The following NAV2 variants were observed in gnomAD, a reference collection of about 807,000 sequenced individuals.
NAV2 encodes helicase, APC down-regulated 1.
In NAV2, 54 loss-of-function variants were observed where a neutral mutation model predicts 223.2. That is an observed-to-expected ratio of 0.24 (90% CI 0.19 to 0.30). The LOEUF (loss-of-function observed/expected upper bound fraction) is 0.30, where lower values mean the gene tolerates loss of function less well. Ranked by LOEUF, NAV2 falls within the 10% of genes least tolerant of loss-of-function variation. The pLI is 1.00. For synonymous variants in NAV2, 1,279 were observed against 1,239.3 expected (o/e 1.03, Z -0.67); for missense variants, 2,806 against 3,147.5 (o/e 0.89, Z 2.60).
intron 1 of NAV2, among the ~76,000 whole-genome samples, chr11:19,745,073 T>C (rs1466164682): frequency 1.3e-5 from 2 of 152,236 alleles, no homozygotes; most frequent in African/African-American, 4.8e-5. Context: ...AGGGTTGTAC[T>C]GTCACCAGCA....
intron 1 of NAV2, among the ~76,000 whole-genome samples, chr11:19,448,970 C>A (rs1367779001): frequency 6.6e-6 from 1 of 152,100 alleles, no homozygotes; most frequent in East Asian, 1.9e-4. Context: ...ATAAACCACC[C>A]AGTATTCTAC....
chr11:19,525,449 C>A (rs777396087), intron 1 of NAV2, among the ~76,000 whole-genome samples: 3 of 152,178 alleles, frequency 2.0e-5, no homozygotes, highest in Non-Finnish European at 4.4e-5. Context: ...AGAGGGGGTG[C>A]AGGCAGAGGA....
At chr11:20,106,183 G>GTGTGTGTGTGTGTGTGTATA (rs1394737236) in intron 35 of NAV2, among the ~76,000 whole-genome samples, 9 of 25,526 alleles carry the variant, frequency 3.5e-4, no homozygotes, top group Non-Finnish European at 5.7e-4. Context: ...ATATGTGTGT[G>GTGTGTGTGTGTGTGTGTATA]TATATATATA....
In NAV2 at chr11:19,549,887, C is replaced by T. The variant is rs564859161; in HGVS notation, c.75+198860C>T. 3.3e-5 allele frequency among the ~76,000 whole-genome samples: 5 copies of T among 152,366 alleles called. No homozygotes were observed. In the East Asian group the frequency reaches 9.6e-4, roughly 29 times the overall value. On this transcript the variant is annotated intron_variant, in intron 1 of 37. Coordinates refer to the NAV2 transcript ENST00000360655. Reference sequence around the variant, plus strand: ...ATCTGCTTTTTCCTGATAGCCACTTCCCATGCCCTGCCCTCGGCTCTGGAG... The same window carrying T: ...ATCTGCTTTTTCCTGATAGCCACTTTCCATGCCCTGCCCTCGGCTCTGGAG...
At chr11:19,788,899 C>T (rs2057330111) in intron 1 of NAV2, among the ~76,000 whole-genome samples, 1 of 152,108 alleles carries the variant, frequency 6.6e-6, no homozygotes, top group Admixed American at 6.6e-5. Flanking sequence ...CATGTAGGTA[C>T]CCCCTGCAAA....
intron 1 of NAV2, among the ~76,000 whole-genome samples, chr11:19,682,865 A>C (rs78067730): frequency 0.02 from 3,014 of 152,308 alleles, 98 homozygotes; most frequent in African/African-American, 0.069. Flanking sequence ...TCATTCCAAT[A>C]TGAGATTTGG....
intron 1 of NAV2, among the ~76,000 whole-genome samples, chr11:19,624,033 C>G (rs1343653418): frequency 6.6e-6 from 1 of 152,218 alleles, no homozygotes; most frequent in South Asian, 2.1e-4. Context: ...TGGAGGTCCA[C>G]TCCAGACCCT....
chr11:19,970,345 T>C lies in NAV2; in HGVS notation c.2646-13780T>C, dbSNP rs150498524. Among the ~76,000 whole-genome samples, 745 of 152,248 alleles carry C rather than the reference T, an allele frequency of 4.9e-3. 4 individuals are homozygous for C. The highest frequency in any genetic ancestry group is 0.017 in the African/African-American group (701 of 41,542). On this transcript the variant is annotated intron_variant, in intron 10 of 37. Coordinates refer to ENST00000349880, the MANE Select transcript of NAV2 (RefSeq NM_145117.5). The stretch of plus-strand genomic sequence containing the variant: ...CACCATGCCTGGCTAATTTTTGTAT[T>C]TGTAGTAGATATGGGGTTTCACCAT...
At chr11:19,394,081 C>T (rs955606591) in intron 1 of NAV2, among the ~76,000 whole-genome samples, 2 of 152,056 alleles carry the variant, frequency 1.3e-5, no homozygotes, top group African/African-American at 2.4e-5. Flanking sequence ...TCAAAGGAAA[C>T]ATCATAGGTC....
intron 1 of NAV2, among the ~76,000 whole-genome samples, chr11:19,369,625 G>A (rs1848405419): frequency 6.6e-6 from 1 of 151,996 alleles, no homozygotes; most frequent in South Asian, 2.1e-4. Flanking sequence ...CTTCTATATG[G>A]TTCACTAACA....
chr11:19,408,877 C>T (rs1006507540), intron 1 of NAV2, among the ~76,000 whole-genome samples: 3 of 151,866 alleles, frequency 2.0e-5, no homozygotes, highest in Non-Finnish European at 2.9e-5. Flanking sequence ...CCCGAGAACT[C>T]GGGAGTCCCA....
intron 11 of NAV2, among the ~76,000 whole-genome samples, chr11:20,018,246 C>T (rs556339732): frequency 7.0e-5 from 10 of 143,360 alleles, no homozygotes; most frequent in South Asian, 2.3e-4. Flanking sequence ...CCCAGCTGTT[C>T]GGGAGGCTGA....
At chr11:19,707,486 T>C (rs2049700725) in intron 1 of NAV2, among the ~76,000 whole-genome samples, 1 of 152,130 alleles carries the variant, frequency 6.6e-6, no homozygotes, top group African/African-American at 2.4e-5. Context: ...AATATCACTG[T>C]TTTCCACCTC....
chr11:19,569,707 G>T (rs1462741143), intron 1 of NAV2, among the ~76,000 whole-genome samples: 1 of 152,114 alleles, frequency 6.6e-6, no homozygotes, highest in Non-Finnish European at 1.5e-5. Flanking sequence ...AGGATGCAAA[G>T]GGCTACATCT....
At chr11:19,495,198 A>G (rs2042755340) in intron 1 of NAV2, among the ~76,000 whole-genome samples, 1 of 152,130 alleles carries the variant, frequency 6.6e-6, no homozygotes, top group Non-Finnish European at 1.5e-5. Context: ...CTTTTCATTT[A>G]TGTATTTGTT....
At chr11:19,638,184 T>G (rs1036710248) in intron 1 of NAV2, among the ~76,000 whole-genome samples, 1 of 152,192 alleles carries the variant, frequency 6.6e-6, no homozygotes, top group Non-Finnish European at 1.5e-5. Flanking sequence ...CCCACACGAT[T>G]GATCCAGGAG....
rs1433552987 is a variant in NAV2 at position 19,923,290 on chromosome 11, T to C, written c.932-9886T>C. Reference sequence around the variant, plus strand: ...AAACTATCCCATAAAATCAGTTCCCTGGCAAAAATACATTTAAGAATCACA... The same window carrying C: ...AAACTATCCCATAAAATCAGTTCCCCGGCAAAAATACATTTAAGAATCACA... On this transcript the variant is annotated intron_variant, in intron 6 of 37. Coordinates refer to ENST00000349880, the MANE Select transcript of NAV2 (RefSeq NM_145117.5). Among the ~76,000 whole-genome samples, 10 of 152,246 alleles carry C rather than the reference T, an allele frequency of 6.6e-5. No homozygotes were observed. In the East Asian group the frequency reaches 1.9e-3, roughly 29 times the overall value.
intron 10 of NAV2, among the ~76,000 whole-genome samples, chr11:19,981,572 TTATC>T (rs1262652466): frequency 6.6e-6 from 1 of 152,236 alleles, no homozygotes; most frequent in Admixed American, 6.5e-5. Flanking sequence ...AGAATTTTGT[TTATC>T]TAACTGGCTG....
chr11:19,900,548 A>C (rs550778880), intron 6 of NAV2, among the ~76,000 whole-genome samples: 4 of 152,140 alleles, frequency 2.6e-5, no homozygotes, highest in Non-Finnish European at 5.9e-5. Context: ...CTCAGGTGTG[A>C]GGGAATAAGA....
Sources: gnomAD v4.1 joint callset for allele counts (sites outside exome capture counted in the v4.1 genomes callset) on GRCh38, gnomAD v4.1.1 for gene constraint, MANE v1.5 for transcripts, NCBI Gene and HGNC (gene_info 2026-07-23, HGNC 2026-07-21) for gene names.